BRWD1: variants seen among roughly 807,000 people sequenced by gnomAD.
The protein encoded by BRWD1 is bromodomain and WD repeat-containing protein 1.
A neutral mutation model predicts 251.2 loss-of-function variants in BRWD1; 82 were observed. The ratio of observed to expected loss-of-function variants is 0.33; its 90% CI spans 0.27 to 0.39. The LOEUF (loss-of-function observed/expected upper bound fraction) is 0.39, where lower values mean the gene tolerates loss of function less well. Ranked by LOEUF, BRWD1 falls within the 10% of genes least tolerant of loss-of-function variation. The pLI is 1.00. For missense variants in BRWD1, 2,233 were observed against 2,711.6 expected (o/e 0.82, Z 3.92); for synonymous variants, 918 against 902.8 (o/e 1.02, Z -0.30).
intron 10 of BRWD1, among the ~76,000 whole-genome samples, chr21:39,277,986 T>TAC (rs984238676): frequency 3.3e-5 from 5 of 151,882 alleles, no homozygotes; most frequent in African/African-American, 1.2e-4. Flanking sequence ...TAGCTGGGAC[T>TAC]ACAGGTGTGC....
intron 21 of BRWD1, among the ~76,000 whole-genome samples, chr21:39,240,606 A>G (rs1245119176): frequency 1.3e-5 from 2 of 152,246 alleles, no homozygotes; most frequent in African/African-American, 4.8e-5. Context: ...TAAACATTGG[A>G]AACAACCTAA....
chr21:39,193,724 T>C lies in BRWD1; in HGVS notation c.*2535A>G, dbSNP rs1388728445. On this transcript the variant is annotated 3_prime_UTR_variant, in exon 41 of 41. Coordinates refer to ENST00000342449, the MANE Select transcript of BRWD1 (RefSeq NM_033656.4). ...CCCTTTATCTTTTTCTCAAGAATACTACAAACTGACCCTAAACATTAAAGT... is the reference window on the plus strand; with the variant it reads ...CCCTTTATCTTTTTCTCAAGAATACCACAAACTGACCCTAAACATTAAAGT... 1.0e-6 allele frequency: 1 copy of C among 985,434 alleles called. No individual in the cohort carries two copies. The highest frequency in any genetic ancestry group is 1.1e-4 in the East Asian group (1 of 8,826). The allele number at this position is 985,434 out of a possible 1,614,324, so 61.0% of individuals were successfully genotyped here.
intron 15 of BRWD1, among the ~76,000 whole-genome samples, 162 bp downstream of exon 15, chr21:39,269,737 C>T (rs1007688888): frequency 2.6e-5 from 4 of 152,058 alleles, no homozygotes; most frequent in African/African-American, 4.8e-5. Context: ...CATGTATGTA[C>T]GTATATACAT....
Position 39,218,195 on chromosome 21 carries a change from C to T in BRWD1, c.3616G>A (p.Asp1206Asn). 1.9e-6 allele frequency: 3 copies of T among 1,611,458 alleles called. No homozygotes were observed. The highest frequency in any genetic ancestry group is 1.1e-5 in the South Asian group (1 of 90,520). Reference protein sequence around the residue: ...KYCTVVAYPTDLYTIRMRLVN... With the variant: ...KYCTVVAYPTNLYTIRMRLVN... ...AGTCTCATTCGAATTGTGTAAAGATCGGTTGGATAAGCTACTACAGTACAG... is the reference window on the plus strand; with the variant it reads ...AGTCTCATTCGAATTGTGTAAAGATTGGTTGGATAAGCTACTACAGTACAG... Residue 1206 changes from aspartate to asparagine, a missense_variant, in exon 31 of 41, where the codon GAT (aspartate) becomes AAT (asparagine). Physicochemically the swap from Asp to Asn is conservative, Grantham distance 23. This residue lies in a region of BRWD1 where 167 missense variants were observed against 183.2 expected (regional missense o/e 0.91). Coordinates refer to ENST00000342449, the MANE Select transcript of BRWD1 (RefSeq NM_033656.4).
At chr21:39,283,384 C>A (rs189775263) in intron 8 of BRWD1, among the ~76,000 whole-genome samples, 1 of 152,306 alleles carries the variant, frequency 6.6e-6, no homozygotes, top group East Asian at 1.9e-4. Context: ...CTATTTCCTT[C>A]CCCAACCCAA....
At chr21:39,318,153 G>GT (rs2036716911), upstream of BRWD1, among the ~76,000 whole-genome samples, 1 of 152,026 alleles carries the variant, frequency 6.6e-6, no homozygotes, top group African/African-American at 2.4e-5. Context: ...ATAAAATTCA[G>GT]TAAGGCCTTC....
chr21:39,308,881 TA>T (rs1156366338), intron 4 of BRWD1, among the ~76,000 whole-genome samples: 1 of 152,080 alleles, frequency 6.6e-6, no homozygotes, highest in Admixed American at 6.6e-5. Flanking sequence ...AGATTTAAGA[TA>T]ATCAGGGAAG....
intron 39 of BRWD1, 92 bp from the exon 40 acceptor site, chr21:39,199,754 T>TG (rs909000820): frequency 5.5e-6 from 7 of 1,263,846 alleles, no homozygotes; most frequent in African/African-American, 1.5e-5. Context: ...TTCACTTTTT[T>TG]GGGGGGCGGG....
chr21:39,242,453 G>A (rs942253412), intron 21 of BRWD1, among the ~76,000 whole-genome samples: 3 of 152,240 alleles, frequency 2.0e-5, no homozygotes, highest in African/African-American at 7.2e-5. Context: ...TTTAGGGAAA[G>A]AAGGCATGTC....
intron 15 of BRWD1, 72 bp from the exon 16 acceptor site, chr21:39,265,091 G>A: frequency 6.9e-7 from 1 of 1,443,706 alleles, no homozygotes; most frequent in Admixed American, 2.2e-5. Flanking sequence ...CTTTTTTAAT[G>A]TGGATAACCT....
chr21:39,219,584 G>C (rs1043270565), intron 29 of BRWD1: 1 of 152,266 alleles, frequency 6.6e-6, no homozygotes, highest in Non-Finnish European at 1.5e-5. Context: ...ATTGGGAAGA[G>C]CATCATTTTA....
Position 39,270,457 on chromosome 21 carries a change from TA to T in BRWD1, c.1245-25del, listed in dbSNP as rs775266909. 10 of 1,570,608 alleles carry T rather than the reference TA, an allele frequency of 6.4e-6. No individual in the cohort carries two copies. In the African/African-American group the frequency reaches 1.2e-4, roughly 19 times the overall value. ...CCCTAACAAAAAAATACACAACATG[TA>T]AACTTATTTAGATGGCTGGCTATAC... On this transcript the variant is annotated intron_variant, in intron 13 of 40. Transcript: ENST00000342449.
chr21:39,236,812 A>G, intron 22 of BRWD1, 28 bp from the exon 23 acceptor site: 2 of 1,591,368 alleles, frequency 1.3e-6, no homozygotes, highest in Non-Finnish European at 1.7e-6. Context: ...TTTCAGTTGA[A>G]TGGAGCCAGA....
intron 33 of BRWD1, 43 bp downstream of exon 33, chr21:39,213,438 T>G (rs2032750519): frequency 6.6e-7 from 1 of 1,515,392 alleles, no homozygotes; most frequent in Non-Finnish European, 9.1e-7. Flanking sequence ...AAAATACCAT[T>G]TGAAATTAAC....
intron 7 of BRWD1, 41 bp from the exon 8 acceptor site, chr21:39,294,073 A>T (rs757613082): frequency 6.6e-7 from 1 of 1,504,370 alleles, no homozygotes; most frequent in South Asian, 1.2e-5. Flanking sequence ...TAGTACAGCA[A>T]ATCTTTTAAA....
chr21:39,228,492 A>G lies in BRWD1; in HGVS notation c.3208+8T>C, dbSNP rs1450901913. The G allele has an allele frequency of 1.3e-6, 2 of 1,599,812 alleles. No homozygotes were observed. Among genetic ancestry groups the G allele is most frequent in the Non-Finnish European group, 1.7e-6 (2 of 1,167,570 alleles). On this transcript the variant is annotated splice_region_variant and intron_variant, in intron 27 of 40. Coordinates refer to ENST00000342449, the MANE Select transcript of BRWD1 (RefSeq NM_033656.4). ...AGGGTATATAAAACTTAGTAAGGAT[A>G]GACTTACAAGACTGCCAATTCCTCT... is the stretch of plus-strand genomic sequence containing the variant.
At chr21:39,303,337 G>A (rs2036180437) in intron 4 of BRWD1, among the ~76,000 whole-genome samples, 1 of 151,722 alleles carries the variant, frequency 6.6e-6, no homozygotes, top group African/African-American at 2.4e-5. Flanking sequence ...TGGCAAATGT[G>A]GTGAAACCCC....
chr21:39,233,189 T>A (rs1458659438), intron 23 of BRWD1, among the ~76,000 whole-genome samples: 1 of 152,028 alleles, frequency 6.6e-6, no homozygotes, highest in African/African-American at 2.4e-5. Context: ...CCAAAAGCCA[T>A]ATGAATAAGC....
rs577192112 is a variant in BRWD1 at position 39,206,691 on chromosome 21, T to C, written c.4198-417A>G. ...GGGCAAGGGAACAAAAGCACTTTTA[T>C]ATACCCATCTCTGTCTGCAATCTGT... is the stretch of plus-strand genomic sequence containing the variant. On this transcript the variant is annotated intron_variant, in intron 36 of 40. Transcript: ENST00000342449. Among the ~76,000 whole-genome samples, 37 of 152,346 alleles carry C rather than the reference T, an allele frequency of 2.4e-4. 1 individual carries two copies. The South Asian group carries it at 7.7e-3, about 32-fold the overall frequency.
Sources: gnomAD v4.1 joint callset for allele counts (sites outside exome capture counted in the v4.1 genomes callset) on GRCh38, gnomAD v4.1.1 for gene constraint, gnomAD v4.1.1 regional missense constraint, MANE v1.5 for transcripts, NCBI Gene and HGNC (gene_info 2026-07-23, HGNC 2026-07-21) for gene names.